The following SEC22C variants were observed in gnomAD, a reference collection of about 807,000 sequenced individuals.
SEC22C encodes the protein SEC22 homolog C, vesicle trafficking protein.
Under a neutral mutation model 34.7 loss-of-function variants are expected in SEC22C, and 29 were observed. The ratio of observed to expected loss-of-function variants is 0.84; its 90% confidence interval spans 0.62 to 1.14. The LOEUF (loss-of-function observed/expected upper bound fraction) is 1.14, where lower values mean the gene tolerates loss of function less well. Ranked by LOEUF, SEC22C falls within the 50% of genes most tolerant of loss-of-function variation. The pLI, the probability that SEC22C is intolerant of heterozygous loss-of-function variation, is 0.00. For synonymous variants in SEC22C, 117 were observed against 132.8 expected (o/e 0.88, Z 0.82); for missense variants, 337 against 369.0 (o/e 0.91, Z 0.71).
At chr3:42,566,841 A>C in intron 2 of SEC22C, 1 of 430,432 alleles carries the variant, frequency 2.3e-6, no homozygotes, top group Non-Finnish European at 4.7e-6. Flanking sequence ...TTGTCTCTAA[A>C]AAATAAAAAT....
intron 1 of SEC22C, among the ~76,000 whole-genome samples, chr3:42,588,009 G>T (rs1235530747): frequency 1.3e-5 from 2 of 150,422 alleles, no homozygotes; most frequent in African/African-American, 4.9e-5. Context: ...GGAGGTGGAG[G>T]TTGCAGTGAG....
At chr3:42,560,127 T>C (rs1031589948) in intron 4 of SEC22C, among the ~76,000 whole-genome samples, 13 of 96,042 alleles carry the variant, frequency 1.4e-4, no homozygotes, top group African/African-American at 4.4e-4. Context: ...TCTCTATATA[T>C]ATATATATAT....
chr3:42,596,249 C>T lies in SEC22C; in HGVS notation c.-28+4711G>A, dbSNP rs181338108. Among the ~76,000 whole-genome samples, 665 of 152,150 alleles carry T rather than the reference C, an allele frequency of 4.4e-3. 4 individuals carry two copies. Among genetic ancestry groups the T allele is most frequent in the African/African-American group, 0.015 (628 of 41,526 alleles). ...GTTGGTCAGGCTGGTCTCGTACTCA[C>T]GACCTCAGGTGATCCACCTGCCTCA... On this transcript the variant is annotated intron_variant, in intron 1 of 6. Transcript: ENST00000417572.
At chr3:42,572,655 C>A (rs1386465979) in intron 1 of SEC22C, among the ~76,000 whole-genome samples, 2 of 152,182 alleles carry the variant, frequency 1.3e-5, no homozygotes, top group African/African-American at 4.8e-5. Context: ...CTTGCTTCCC[C>A]TGCTGGAGTG....
Position 42,552,027 on chromosome 3 carries a change from T to G in SEC22C, c.*1221A>C. 1 of 985,448 alleles carries G rather than the reference T, an allele frequency of 1.0e-6. No individual in the cohort carries two copies. The highest frequency in any genetic ancestry group is 1.1e-4 in the East Asian group (1 of 8,816). 61.0% of individuals were successfully genotyped at this position (985,448 alleles called of 1,614,324 possible). ...AGAGCAAACTCCCAAAATGACCTCC[T>G]GCGTGGTACAAAACAAGCCAGGCTG... On this transcript the variant is annotated 3_prime_UTR_variant, in exon 7 of 7. Coordinates refer to ENST00000264454, the MANE Select transcript of SEC22C (RefSeq NM_032970.4).
At chr3:42,569,108 C>G (rs1703447692) in intron 1 of SEC22C, 35 bp from the exon 2 acceptor site, 1 of 1,422,726 alleles carries the variant, frequency 7.0e-7, no homozygotes, top group African/African-American at 1.4e-5. Flanking sequence ...TACTGAGGCT[C>G]AAATGACAGT....
At chr3:42,578,516 T>TAC (rs1704110418) in intron 1 of SEC22C, among the ~76,000 whole-genome samples, 1 of 149,266 alleles carries the variant, frequency 6.7e-6, no homozygotes, top group South Asian at 2.1e-4. Context: ...TACAGGAATC[T>TAC]ACACACGATA....
At chr3:42,600,208 A>G (rs1483427730) in intron 1 of SEC22C, among the ~76,000 whole-genome samples, 1 of 152,216 alleles carries the variant, frequency 6.6e-6, no homozygotes, top group Non-Finnish European at 1.5e-5. Flanking sequence ...CGCTGGTGCC[A>G]AAGCGGGAAG....
At chr3:42,577,035 C>G (rs753418448) in intron 1 of SEC22C, among the ~76,000 whole-genome samples, 1 of 152,074 alleles carries the variant, frequency 6.6e-6, no homozygotes, top group Non-Finnish European at 1.5e-5. Flanking sequence ...GAAGGGTAGT[C>G]TTTTCTATAA....
chr3:42,559,895 A>C (rs1702768544), intron 4 of SEC22C, among the ~76,000 whole-genome samples: 1 of 152,000 alleles, frequency 6.6e-6, no homozygotes, highest in Admixed American at 6.6e-5. Flanking sequence ...ACGTTCATTA[A>C]GACCTCTTCC....
At chr3:42,569,797 A>C (rs1703497856) in intron 1 of SEC22C, among the ~76,000 whole-genome samples, 1 of 152,170 alleles carries the variant, frequency 6.6e-6, no homozygotes, top group South Asian at 2.1e-4. Flanking sequence ...ACAGATCTGA[A>C]CCCTCGTGGT....
At chr3:42,581,983 G>C (rs1287761500), upstream of SEC22C, 1 of 152,450 alleles carries the variant, frequency 6.6e-6, no homozygotes, top group African/African-American at 2.4e-5. Context: ...GCGTGCGCGA[G>C]TCTTGAGCCA....
intron 1 of SEC22C, among the ~76,000 whole-genome samples, chr3:42,577,991 A>T (rs1577350037): frequency 6.6e-6 from 1 of 152,056 alleles, no homozygotes; most frequent in East Asian, 1.9e-4. Context: ...CAAAAACAAA[A>T]CACAGTTTGG....
intron 1 of SEC22C, among the ~76,000 whole-genome samples, chr3:42,580,105 G>T (rs997963601): frequency 2.6e-5 from 4 of 152,066 alleles, no homozygotes; most frequent in Non-Finnish European, 5.9e-5. Context: ...TCATGTCATA[G>T]ATTATCTCTG....
chr3:42,573,382 G>A (rs574094054), intron 1 of SEC22C: 157 of 152,176 alleles, frequency 1.0e-3, no homozygotes, highest in Admixed American at 2.9e-3. Flanking sequence ...AAAATTAGCC[G>A]GGCATGGTGG....
chr3:42,561,411 C>T (rs563102221), intron 3 of SEC22C, 115 bp from the exon 4 acceptor site: 657 of 1,062,620 alleles, frequency 6.2e-4, no homozygotes, highest in Admixed American at 8.5e-4. Flanking sequence ...CTCACTGTCG[C>T]CCACTCTGGA....
Position 42,558,946 on chromosome 3 carries a change from C to T in SEC22C, c.527-1250G>A, listed in dbSNP as rs188035710. On this transcript the variant is annotated intron_variant, in intron 4 of 6. Coordinates refer to ENST00000264454, the MANE Select transcript of SEC22C (RefSeq NM_032970.4). ...CTCTTTCTCTGACAATAACAATATG[C>T]GATGTCACGTGCACTTCTAGAGCAA... Among the ~76,000 whole-genome samples, 186 of 152,232 alleles carry T rather than the reference C, an allele frequency of 1.2e-3. 1 individual carries two copies. Among genetic ancestry groups the T allele is most frequent in the Non-Finnish European group, 1.9e-4 (13 of 68,006 alleles).
chr3:42,565,823 G>T lies in SEC22C; in HGVS notation c.183-2137C>A, dbSNP rs576852018. 1.2e-4 allele frequency: 54 copies of T among 444,578 alleles called. 1 individual carries two copies. Among genetic ancestry groups the T allele is most frequent in the African/African-American group, 9.3e-4 (46 of 49,428 alleles). The allele number at this position is 444,578 out of a possible 1,614,324, so 27.5% of individuals were successfully genotyped here. ...GTTTGAAGCCAGTTTGTGGTCATTT[G>T]TTATGGCAGCCTTAGGGAACTAACA... On this transcript the variant is annotated intron_variant, in intron 2 of 6. Coordinates refer to ENST00000264454, the MANE Select transcript of SEC22C (RefSeq NM_032970.4).
chr3:42,553,921 C>T (rs1702375479), intron 6 of SEC22C, among the ~76,000 whole-genome samples: 1 of 152,156 alleles, frequency 6.6e-6, no homozygotes. Context: ...CTACATTGAG[C>T]ACCACTCTTC....
Sources: gnomAD v4.1 joint callset for allele counts (sites outside exome capture counted in the v4.1 genomes callset) on GRCh38, gnomAD v4.1.1 for gene constraint, MANE v1.5 for transcripts, NCBI Gene and HGNC (gene_info 2026-07-23, HGNC 2026-07-21) for gene names.